SOX6: variants seen among roughly 807,000 people sequenced by gnomAD.
SOX6 encodes the protein transcription factor SOX-6.
Under a neutral mutation model 97.8 loss-of-function variants are expected in SOX6, and 11 were observed. That is an observed-to-expected ratio of 0.11 (90% CI 0.07 to 0.19). The LOEUF (loss-of-function observed/expected upper bound fraction) is 0.19, where lower values mean the gene tolerates loss of function less well. SOX6 is among the 10% of genes least tolerant of loss of function. SOX6 has a pLI of 1.00. For missense variants in SOX6, 810 were observed against 1,039.5 expected (o/e 0.78, Z 3.04); for synonymous variants, 360 against 371.4 (o/e 0.97, Z 0.35).
intron 4 of SOX6, among the ~76,000 whole-genome samples, chr11:16,215,258 A>G (rs889015831): frequency 6.6e-6 from 1 of 152,210 alleles, no homozygotes; most frequent in African/African-American, 2.4e-5. Flanking sequence ...AAAGATGTCA[A>G]GACAATCAAG....
At chr11:16,021,012 A>G (rs1317674691) in intron 12 of SOX6, among the ~76,000 whole-genome samples, 1 of 152,200 alleles carries the variant, frequency 6.6e-6, no homozygotes, top group Non-Finnish European at 1.5e-5. Flanking sequence ...AACACCTTAA[A>G]TATTTTATAA....
chr11:16,234,258 A>G (rs1208693435), intron 4 of SOX6, among the ~76,000 whole-genome samples: 1 of 152,160 alleles, frequency 6.6e-6, no homozygotes, highest in Non-Finnish European at 1.5e-5. Context: ...TATAATTTTA[A>G]GAGGGAAAAC....
At chr11:16,529,266 G>A (rs187139691) in intron 4 of SOX6, among the ~76,000 whole-genome samples, 134 of 152,172 alleles carry the variant, frequency 8.8e-4, no homozygotes, top group African/African-American at 3.2e-3. Context: ...AAGCACCATA[G>A]GATATTAGTT....
In SOX6 at chr11:16,640,223, C is replaced by T. The variant is rs189781238; in HGVS notation, n.430-27963G>A. Among the ~76,000 whole-genome samples, 1,198 of 152,146 alleles carry T rather than the reference C, an allele frequency of 7.9e-3. 14 individuals are homozygous for T. Among genetic ancestry groups the T allele is most frequent in the African/African-American group, 0.027 (1,137 of 41,496 alleles). ...ACGCTGGATTACATTTATTGATTTG[C>T]GTATTTTGAACCAGCCTTGCATCCC... On this transcript the variant is annotated intron_variant and non_coding_transcript_variant, in intron 3 of 5. Transcript: ENST00000524520.
chr11:16,174,172 T>C (rs1851119149), intron 6 of SOX6, among the ~76,000 whole-genome samples: 1 of 151,840 alleles, frequency 6.6e-6, no homozygotes, highest in South Asian at 2.1e-4. Flanking sequence ...TTTATAGCAT[T>C]TTAAACACAG....
intron 4 of SOX6, among the ~76,000 whole-genome samples, chr11:16,510,501 C>T (rs1267346005): frequency 6.6e-6 from 1 of 152,050 alleles, no homozygotes; most frequent in Non-Finnish European, 1.5e-5. Context: ...TAAATCTATG[C>T]ACTACCTTAG....
chr11:16,555,834 T>C, intron 4 of SOX6, among the ~76,000 whole-genome samples: 1 of 151,720 alleles, frequency 6.6e-6, no homozygotes, highest in East Asian at 1.9e-4. Flanking sequence ...AATTCATATT[T>C]ACCAATAATC....
At chr11:16,430,912 A>C (rs114733194) in intron 1 of SOX6, among the ~76,000 whole-genome samples, 1 of 152,142 alleles carries the variant, frequency 6.6e-6, no homozygotes, top group African/African-American at 2.4e-5. Flanking sequence ...CAGGTTTCCT[A>C]TCTTCCTCAG....
rs1458551596 is a variant in SOX6 at position 16,606,851 on chromosome 11, GAC to G, written n.609+5228_609+5229del. Among the ~76,000 whole-genome samples, 3 of 152,102 alleles carry G rather than the reference GAC, an allele frequency of 2.0e-5. No individual in the cohort carries two copies. The East Asian group carries it at 5.8e-4, about 29-fold the overall frequency. ...AGGGGAGGTGAAGGGGAGAAAAACAGACCCCCGCCACGCAGATCTGTCACTCC... is the reference window on the plus strand; with the variant it reads ...AGGGGAGGTGAAGGGGAGAAAAACAGCCCCGCCACGCAGATCTGTCACTCC... On this transcript the variant is annotated intron_variant and non_coding_transcript_variant, in intron 4 of 5. Transcript: ENST00000524520.
At chr11:16,557,104 T>C (rs754897908) in intron 4 of SOX6, among the ~76,000 whole-genome samples, 5 of 151,806 alleles carry the variant, frequency 3.3e-5, no homozygotes, top group Admixed American at 1.3e-4. Flanking sequence ...TAAATACAAC[T>C]ATAGTTTCTC....
chr11:16,275,534 C>T (rs1329635396), intron 3 of SOX6, among the ~76,000 whole-genome samples: 1 of 152,126 alleles, frequency 6.6e-6, no homozygotes, highest in Non-Finnish European at 1.5e-5. Flanking sequence ...TGGTTATTAA[C>T]ATCTTATTGT....
intron 9 of SOX6, among the ~76,000 whole-genome samples, chr11:16,080,055 A>T (rs1848439139): frequency 6.6e-6 from 1 of 151,102 alleles, no homozygotes; most frequent in Non-Finnish European, 1.5e-5. Flanking sequence ...AAAAGACTGA[A>T]AATTGCACAT....
At chr11:16,499,987 G>A (rs11529586) in intron 4 of SOX6, among the ~76,000 whole-genome samples, 1 of 151,990 alleles carries the variant, frequency 6.6e-6, no homozygotes, top group South Asian at 2.1e-4. Context: ...TGATACCAAA[G>A]CCTGGCAGAG....
rs141056655 is a variant in SOX6, at chr11:16,222,918, AT to A, written c.535+11663del. On this transcript the variant is annotated intron_variant, in intron 4 of 15. Transcript: ENST00000683767. ...ATTATTCAGTCTTTTTTAAAATAAT[AT>A]TTTTTATTCAAAAAGCAATGCATAA... Among the ~76,000 whole-genome samples the A allele has an allele frequency of 3.3e-3, 505 of 152,184 alleles. 3 individuals are homozygous for A. Among genetic ancestry groups the A allele is most frequent in the African/African-American group, 0.011 (468 of 41,536 alleles).
chr11:16,022,688 C>T (rs1353820766), intron 12 of SOX6, among the ~76,000 whole-genome samples: 1 of 152,148 alleles, frequency 6.6e-6, no homozygotes, highest in Non-Finnish European at 1.5e-5. Flanking sequence ...GCTGGGATTA[C>T]AGGCATGAGC....
intron 6 of SOX6, among the ~76,000 whole-genome samples, chr11:16,157,605 G>A (rs993911784): frequency 6.6e-6 from 1 of 151,798 alleles, no homozygotes; most frequent in African/African-American, 2.4e-5. Context: ...TTTCTGAAAG[G>A]CAAATGTCAT....
intron 1 of SOX6, among the ~76,000 whole-genome samples, chr11:16,467,443 A>C (rs1450883534): frequency 6.6e-6 from 1 of 152,238 alleles, no homozygotes; most frequent in Non-Finnish European, 1.5e-5. Flanking sequence ...CACACTATGG[A>C]ATACTATGCA....
chr11:16,646,068 T>G (rs756836254), intron 3 of SOX6: 1 of 152,276 alleles, frequency 6.6e-6, no homozygotes, highest in Non-Finnish European at 1.5e-5. Flanking sequence ...CATGTTCAGA[T>G]GTTCTCCAAG....
intron 4 of SOX6, among the ~76,000 whole-genome samples, chr11:16,547,202 G>A (rs1847631520): frequency 6.6e-6 from 1 of 152,098 alleles, no homozygotes; most frequent in African/African-American, 2.4e-5. Context: ...AAAACAGTAT[G>A]GAGATTTCTC....
Sources: allele counts gnomAD v4.1 joint callset (sites outside exome capture counted in the v4.1 genomes callset), GRCh38; gene constraint gnomAD v4.1.1; transcripts MANE v1.5; gene names NCBI Gene and HGNC (gene_info 2026-07-23, HGNC 2026-07-21).